DYNC2H1: variants seen among roughly 807,000 people sequenced by gnomAD.
DYNC2H1 encodes cytoplasmic dynein 2 heavy chain 1.
DYNC2H1 carries 410 observed loss-of-function variants against 570.0 expected under a neutral mutation model. The observed-to-expected ratio is 0.72, with a 90% CI of 0.66 to 0.78. The LOEUF (loss-of-function observed/expected upper bound fraction) is 0.78. Among genes scored for constraint, DYNC2H1 ranks in the 30% least tolerant of loss-of-function variants. DYNC2H1 has a pLI of 0.00. For synonymous variants in DYNC2H1, 1,688 were observed against 1,677.6 expected, an observed-to-expected ratio of 1.01 and a Z score of -0.15; for missense variants, 4,865 against 5,046.4, an observed-to-expected ratio of 0.96 and a Z score of 1.09.
intron 10 of DYNC2H1, among the ~76,000 whole-genome samples, chr11:103,122,123 T>C (rs1466845951): frequency 6.6e-6 from 1 of 152,190 alleles, no homozygotes; most frequent in Non-Finnish European, 1.5e-5. Flanking sequence ...TATTTTAATA[T>C]TATTAAAATT....
In DYNC2H1 at chr11:103,143,346, A is replaced by G; in HGVS notation, c.2653A>G (p.Asn885Asp). The G allele has an allele frequency of 6.2e-7, 1 of 1,612,972 alleles. No individual in the cohort carries two copies. The highest frequency in any genetic ancestry group is 8.5e-7 in the Non-Finnish European group (1 of 1,179,556). The change falls in exon 18 of 89, where the codon AAT (asparagine) becomes GAT (aspartate). Residue 885 changes from asparagine to aspartate, a missense_variant. Around this residue, in one of 5 missense-constraint regions of DYNC2H1, gnomAD observed 1,936 missense variants for 1,962.1 expected, o/e 0.99. Transcript: ENST00000375735. ...HLFTVHDWEK[N>D]FKALKIKGKE... Reference sequence around the variant, plus strand: ...TTTTACTGTACATGATTGGGAGAAAAATTTTAAAGCATTAAAAATAAAGGG... The same window carrying G: ...TTTTACTGTACATGATTGGGAGAAAGATTTTAAAGCATTAAAAATAAAGGG...
intron 1 of DYNC2H1, among the ~76,000 whole-genome samples, chr11:103,111,555 A>G (rs1173328356): frequency 6.6e-6 from 1 of 152,196 alleles, no homozygotes; most frequent in Non-Finnish European, 1.5e-5. Context: ...ACATATACTC[A>G]GCAAATGATA....
chr11:103,134,333 A>T lies in DYNC2H1; in HGVS notation c.2119A>T (p.Met707Leu). ...TAATTTTTCATAGGTGGTTGTTCTT[A>T]TGAATATTGATCTGCTTCGGCAGCA... ...TTFCEKVVVL[M>L]NIDLLRQQQR... Residue 707 changes from methionine to leucine, a missense_variant, in exon 15 of 89, where the codon ATG becomes TTG. Met to Leu is a conservative substitution (Grantham distance 15). This residue lies in a region of DYNC2H1 where 1,936 missense variants were observed against 1,962.1 expected (regional missense o/e 0.99). Transcript: ENST00000375735. 6.2e-7 allele frequency: 1 copy of T among 1,613,024 alleles called. No individual in the cohort carries two copies. The highest frequency in any genetic ancestry group is 1.1e-5 in the South Asian group (1 of 90,972).
chr11:103,353,261 A>G (rs1238373093), intron 82 of DYNC2H1, among the ~76,000 whole-genome samples: 1 of 152,190 alleles, frequency 6.6e-6, no homozygotes, highest in Non-Finnish European at 1.5e-5. Flanking sequence ...CTATGTAACA[A>G]ACCTGCATGT....
intron 83 of DYNC2H1, 33 bp downstream of exon 83, chr11:103,358,392 C>T: frequency 7.1e-7 from 1 of 1,408,352 alleles, no homozygotes; most frequent in Non-Finnish European, 9.8e-7. Flanking sequence ...GATTCTTTTG[C>T]TTTTTCTCCC....
At chr11:103,372,032 CTTTTTTTTTTT>C (rs1156605664) in intron 83 of DYNC2H1, among the ~76,000 whole-genome samples, 2 of 38,038 alleles carry the variant, frequency 5.3e-5, no homozygotes, top group African/African-American at 1.0e-4. Context: ...TTGTCTTGTT[CTTTTTTTTTTT>C]TTTTTTTTTT....
intron 83 of DYNC2H1, among the ~76,000 whole-genome samples, chr11:103,379,193 CA>C (rs1487352942): frequency 6.6e-6 from 1 of 152,190 alleles, no homozygotes; most frequent in African/African-American, 2.4e-5. Context: ...TGGTTTGCCC[CA>C]GCCATGGCAG....
chr11:103,287,870 AAG>A, intron 75 of DYNC2H1: 1 of 336,944 alleles, frequency 3.0e-6, no homozygotes, highest in East Asian at 5.1e-5. Flanking sequence ...GCCATGGAGA[AAG>A]AGTAATTCAC....
chr11:103,367,330 T>G (rs746775596), intron 83 of DYNC2H1, among the ~76,000 whole-genome samples: 19 of 152,132 alleles, frequency 1.2e-4, no homozygotes, highest in Non-Finnish European at 2.1e-4. Flanking sequence ...TAAATAATTC[T>G]TTATACATAA....
intron 75 of DYNC2H1, among the ~76,000 whole-genome samples, chr11:103,293,942 T>G (rs1369985870): frequency 1.3e-5 from 2 of 151,984 alleles, no homozygotes; most frequent in Non-Finnish European, 2.9e-5. Context: ...CCAGGCATGG[T>G]GGCAGGCGCC....
chr11:103,350,906 G>C (rs2135509182), intron 82 of DYNC2H1, among the ~76,000 whole-genome samples: 1 of 152,168 alleles, frequency 6.6e-6, no homozygotes, highest in African/African-American at 2.4e-5. Context: ...GCCATAATGG[G>C]AGTTAGGGCC....
chr11:103,165,006 A>AT (rs1385760406), intron 30 of DYNC2H1, among the ~76,000 whole-genome samples: 1 of 152,194 alleles, frequency 6.6e-6, no homozygotes, highest in Non-Finnish European at 1.5e-5. Context: ...ACCTCATCAT[A>AT]TACCTGATTA....
Position 103,243,796 on chromosome 11 carries a change from GTAT to G in DYNC2H1, c.9918+10_9918+12del. ...TTAGAAGTTATCAATCAGCAGGTATGTATTATTTATAATTTACATACCAATTAG... is the reference window on the plus strand; with the variant it reads ...TTAGAAGTTATCAATCAGCAGGTATGTATTTATAATTTACATACCAATTAG... On this transcript the variant is annotated splice_donor_region_variant and intron_variant, in intron 64 of 88. Transcript: ENST00000375735. This position sits in a 1 kb window ranked among gnomAD's most constrained non-coding sequence, Gnocchi z 4.8. The G allele has an allele frequency of 5.1e-6, 8 of 1,564,904 alleles. No homozygotes were observed. Among genetic ancestry groups the G allele is most frequent in the Admixed American group, 1.8e-5 (1 of 54,884 alleles).
At chr11:103,242,170 T>C (rs1784258) in intron 63 of DYNC2H1, among the ~76,000 whole-genome samples, 1 of 152,106 alleles carries the variant, frequency 6.6e-6, no homozygotes, top group South Asian at 2.1e-4. Context: ...TACATACTAT[T>C]TTATATACAC....
rs763136416 is a variant in DYNC2H1, at chr11:103,234,148, A to G, written c.9555A>G (p.Arg3185=). Residue 3185 remains arginine, a synonymous_variant, in exon 61 of 89, where the codon AGA becomes AGG. Coordinates refer to ENST00000375735, the MANE Select transcript of DYNC2H1 (RefSeq NM_001377.3). The part of the protein sequence containing the change: ...LINQLDREHK[R]WNAQVVEITE... The stretch of plus-strand genomic sequence containing the variant: ...ATCAGCTTGACAGAGAACATAAGAG[A>G]TGGAATGCACAGGTTTGTTTGAGAG... 5 of 1,585,114 alleles carry G rather than the reference A, an allele frequency of 3.2e-6. No individual in the cohort carries two copies. Among genetic ancestry groups the G allele is most frequent in the Non-Finnish European group, 4.3e-6 (5 of 1,164,342 alleles).
intron 17 of DYNC2H1, among the ~76,000 whole-genome samples, chr11:103,139,373 A>C (rs1859764758): frequency 1.3e-5 from 2 of 151,080 alleles, no homozygotes; most frequent in Non-Finnish European, 3.0e-5. Flanking sequence ...TTCCCTGTAC[A>C]CACTGCTTTG....
intron 83 of DYNC2H1, among the ~76,000 whole-genome samples, chr11:103,399,288 G>A (rs953089348): frequency 1.3e-5 from 2 of 149,730 alleles, no homozygotes; most frequent in African/African-American, 2.5e-5. Flanking sequence ...GGTTACAGGT[G>A]CACACCACCA....
chr11:103,216,974 G>C (rs1247240600), intron 55 of DYNC2H1, among the ~76,000 whole-genome samples: 1 of 151,994 alleles, frequency 6.6e-6, no homozygotes, highest in Non-Finnish European at 1.5e-5. Flanking sequence ...ATTATACTGA[G>C]ACTTTTGTTA....
At position 103,277,338 on chromosome 11, in the gene DYNC2H1, T is replaced by C. The variant is rs1266378724; in HGVS notation, c.10696-3010T>C. On this transcript the variant is annotated intron_variant, in intron 70 of 88. Transcript: ENST00000375735. The surrounding 1 kb of genome is among the most constrained non-coding windows in gnomAD (Gnocchi z 4.3). Reference sequence around the variant, plus strand: ...TGTGGGTAATTTCCTTCGGTTTTTCTTTCATTTTACTTATATTTTACAAAT... The same window carrying C: ...TGTGGGTAATTTCCTTCGGTTTTTCCTTCATTTTACTTATATTTTACAAAT... Among the ~76,000 whole-genome samples the C allele has an allele frequency of 6.6e-6, 1 of 152,144 alleles. No individual in the cohort carries two copies. Among genetic ancestry groups the C allele is most frequent in the Non-Finnish European group, 1.5e-5 (1 of 68,012 alleles).
Sources: gnomAD v4.1 joint callset for allele counts (sites outside exome capture counted in the v4.1 genomes callset) on GRCh38, gnomAD v4.1.1 for gene constraint, gnomAD v4.1.1 regional missense constraint, Gnocchi (gnomAD v3.1) non-coding constraint, MANE v1.5 for transcripts, NCBI Gene and HGNC (gene_info 2026-07-23, HGNC 2026-07-21) for gene names.